The following PRR14L variants were observed in gnomAD, a reference collection of about 807,000 sequenced individuals.
The protein encoded by PRR14L is protein PRR14L.
Under a neutral mutation model 155.0 loss-of-function variants are expected in PRR14L, and 80 were observed. The ratio of observed to expected loss-of-function variants is 0.52; its 90% confidence interval spans 0.43 to 0.62. The LOEUF (loss-of-function observed/expected upper bound fraction) is 0.62. Ranked by LOEUF, PRR14L falls within the 20% of genes least tolerant of loss-of-function variation. PRR14L has a pLI of 0.00. For missense variants in PRR14L, 2,469 were observed against 2,548.0 expected, an observed-to-expected ratio of 0.97 and a Z score of 0.67; for synonymous variants, 883 against 916.0, an observed-to-expected ratio of 0.96 and a Z score of 0.65.
chr22:31,718,250 G>GGTTTTT (rs201436774), intron 3 of PRR14L, among the ~76,000 whole-genome samples: 2 of 128,862 alleles, frequency 1.6e-5, no homozygotes, highest in Non-Finnish European at 3.3e-5. Flanking sequence ...TTTTTGGGGG[G>GGTTTTT]GTTTTTGTTT....
intron 3 of PRR14L, among the ~76,000 whole-genome samples, chr22:31,718,405 A>G (rs528158944): frequency 6.6e-6 from 1 of 151,974 alleles, no homozygotes; most frequent in East Asian, 2.0e-4. Flanking sequence ...ACAGACGCCC[A>G]CCACCACACC....
chr22:31,736,191 C>T (rs1404166254), intron 2 of PRR14L, among the ~76,000 whole-genome samples: 6 of 149,418 alleles, frequency 4.0e-5, no homozygotes, highest in Non-Finnish European at 8.9e-5. Flanking sequence ...TGCACTCCAG[C>T]CTGGGCAATA....
Position 31,684,025 on chromosome 22 carries a change from C to T in PRR14L, c.*1502G>A, listed in dbSNP as rs1437813194. 6.6e-6 allele frequency: 1 copy of T among 152,098 alleles called. No homozygotes were observed. The highest frequency in any genetic ancestry group is 1.5e-5 in the Non-Finnish European group (1 of 68,056). 9.4% of individuals were successfully genotyped at this position (152,098 alleles called of 1,614,324 possible). On this transcript the variant is annotated 3_prime_UTR_variant, in exon 9 of 9. Coordinates refer to ENST00000327423, the MANE Select transcript of PRR14L (RefSeq NM_173566.3). ...GTGTCCTGACGATGACTTTTGCATC[C>T]CACTCACTAGCCATGGAATGTTAAT...
At chr22:31,702,839 G>T (rs901268038) in intron 6 of PRR14L, among the ~76,000 whole-genome samples, 1 of 135,486 alleles carries the variant, frequency 7.4e-6, no homozygotes, top group African/African-American at 2.8e-5. Context: ...TTAAGATGGG[G>T]TTTCACTCTG....
chr22:31,735,160 C>T (rs910355284), intron 2 of PRR14L, among the ~76,000 whole-genome samples: 9 of 152,280 alleles, frequency 5.9e-5, no homozygotes, highest in African/African-American at 2.2e-4. Context: ...AACAGGGTGG[C>T]GGGGCGCGGT....
At chr22:31,723,284 T>G (rs1286021755) in intron 3 of PRR14L, among the ~76,000 whole-genome samples, 1 of 152,156 alleles carries the variant, frequency 6.6e-6, no homozygotes, top group Non-Finnish European at 1.5e-5. Context: ...TGAAGAAAAG[T>G]GTCACAGAGT....
intron 3 of PRR14L, among the ~76,000 whole-genome samples, chr22:31,717,994 A>T (rs2074669465): frequency 7.1e-6 from 1 of 141,722 alleles, no homozygotes; most frequent in Non-Finnish European, 1.5e-5. Context: ...GTGGCACGAT[A>T]TTGGCTCACT....
At chr22:31,711,653 G>A (rs1012846222) in intron 4 of PRR14L, among the ~76,000 whole-genome samples, 116 of 149,558 alleles carry the variant, frequency 7.8e-4, no homozygotes, top group African/African-American at 2.2e-3. Context: ...GTGTGGTGGC[G>A]CATGCCTGTA....
chr22:31,716,088 A>C lies in PRR14L; in HGVS notation c.1751T>G (p.Val584Gly). Residue 584 changes from valine (V) to glycine (G), a missense_variant, in exon 4 of 9, where the codon GTA becomes GGA. By Grantham distance (109) the Val-to-Gly change is moderately radical. Around this residue, in one of 2 missense-constraint regions of PRR14L, gnomAD observed 2,363 missense variants for 2,371.6 expected, o/e 1.00. Transcript: ENST00000327423. ...TTGCTTGGGTTTTAATACCTCACTT[A>C]CAGGACTTATTTGATCCTCTGGCAT... ...SLMPEDQISP[V>G]SEVLKPKQGT... 6.4e-7 allele frequency: 1 copy of C among 1,551,110 alleles called. No individual in the cohort carries two copies. The highest frequency in any genetic ancestry group is 8.7e-7 in the Non-Finnish European group (1 of 1,146,938).
chr22:31,723,189 G>A (rs1361595439), intron 3 of PRR14L, among the ~76,000 whole-genome samples: 2 of 152,094 alleles, frequency 1.3e-5, no homozygotes, highest in African/African-American at 2.4e-5. Context: ...ATACCAAACT[G>A]AGACCCTTAT....
intron 7 of PRR14L, among the ~76,000 whole-genome samples, chr22:31,693,378 T>C (rs1022449112): frequency 2.6e-5 from 4 of 152,208 alleles, no homozygotes; most frequent in African/African-American, 9.6e-5. Context: ...GTAGTAAGCA[T>C]TTAAGATTCC....
At chr22:31,687,446 C>T (rs930844670) in intron 8 of PRR14L, among the ~76,000 whole-genome samples, 3 of 151,286 alleles carry the variant, frequency 2.0e-5, no homozygotes, top group Non-Finnish European at 2.9e-5. Context: ...CTCCTCCTCC[C>T]GGGTTCAAGC....
chr22:31,745,038 TG>T (rs979982200), intron 1 of PRR14L, among the ~76,000 whole-genome samples: 1 of 152,172 alleles, frequency 6.6e-6, no homozygotes, highest in African/African-American at 2.4e-5. Flanking sequence ...CAAGAACAGC[TG>T]GAACCCTAAG....
chr22:31,737,742 G>A (rs552735523), intron 2 of PRR14L, among the ~76,000 whole-genome samples: 2 of 152,140 alleles, frequency 1.3e-5, no homozygotes, highest in African/African-American at 4.8e-5. Flanking sequence ...GCTGGTCATG[G>A]TGGCTCATGC....
Position 31,712,831 on chromosome 22 carries a change from G to A in PRR14L, c.5008C>T (p.Leu1670=). 6.4e-7 allele frequency: 1 copy of A among 1,552,104 alleles called. No homozygotes were observed. The highest frequency in any genetic ancestry group is 8.7e-7 in the Non-Finnish European group (1 of 1,147,090). The change falls in exon 4 of 9, where the codon CTG becomes TTG. Residue 1670 remains leucine, a synonymous_variant. Coordinates refer to ENST00000327423, the MANE Select transcript of PRR14L (RefSeq NM_173566.3). Reference sequence around the variant, plus strand: ...CCACTAGCTGCCAAATATGGATTCAGCTGCTCTGTGCTGGATGAAAATCCG... The same window carrying A: ...CCACTAGCTGCCAAATATGGATTCAACTGCTCTGTGCTGGATGAAAATCCG... The part of the protein sequence containing the change: ...LDGFSSSTEQ[L]NPYLAASGWD...
At position 31,715,377 on chromosome 22, in the gene PRR14L, A is replaced by G. The variant is rs1037450745; in HGVS notation, c.2462T>C (p.Ile821Thr). ...KISLQVDNSLITKYENAFQHR... is the reference protein window; with the variant it reads ...KISLQVDNSLTTKYENAFQHR... ...CTGAAATGCATTTTCATATTTTGTTATCAAAGAGTTATCAACTTGCAGGCT... is the reference window on the plus strand; with the variant it reads ...CTGAAATGCATTTTCATATTTTGTTGTCAAAGAGTTATCAACTTGCAGGCT... Residue 821 changes from isoleucine to threonine, a missense_variant, in exon 4 of 9, where the codon ATA becomes ACA. Transcript: ENST00000327423. 5 of 1,552,044 alleles carry G rather than the reference A, an allele frequency of 3.2e-6. No individual in the cohort carries two copies. Among genetic ancestry groups the G allele is most frequent in the East Asian group, 4.9e-5 (2 of 40,940 alleles).
chr22:31,723,793 G>A (rs755007479), intron 3 of PRR14L, among the ~76,000 whole-genome samples: 3 of 152,144 alleles, frequency 2.0e-5, no homozygotes, highest in African/African-American at 4.8e-5. Context: ...CCAGGCTGCC[G>A]AGAAGCTAAG....
chr22:31,726,564 G>A (rs1270750439), intron 2 of PRR14L, among the ~76,000 whole-genome samples: 2 of 152,150 alleles, frequency 1.3e-5, no homozygotes, highest in East Asian at 3.9e-4. Context: ...ACCGCGCCTG[G>A]CCAAGAAAAT....
chr22:31,745,853 A>ATATATATATAT lies in PRR14L; in HGVS notation c.-52+4139_-52+4140insATATATATATA, dbSNP rs574613169. Among the ~76,000 whole-genome samples the ATATATATATAT allele has an allele frequency of 1.7e-4, 25 of 146,002 alleles. No individual in the cohort carries two copies. In the South Asian group the frequency reaches 5.4e-3, roughly 32 times the overall value. Reference sequence around the variant, plus strand: ...GAGGGAGACTCAGTTTAAAAAAAAAAAAAAAAAAATATATATATATATATA... The same window carrying ATATATATATAT: ...GAGGGAGACTCAGTTTAAAAAAAAAATATATATATATAAAAAAAAATATATATATATATATA... On this transcript the variant is annotated intron_variant, in intron 1 of 8. Coordinates refer to ENST00000327423, the MANE Select transcript of PRR14L (RefSeq NM_173566.3).
Sources: gnomAD v4.1 joint callset for allele counts (sites outside exome capture counted in the v4.1 genomes callset) on GRCh38, gnomAD v4.1.1 for gene constraint, gnomAD v4.1.1 regional missense constraint, MANE v1.5 for transcripts, NCBI Gene and HGNC (gene_info 2026-07-23, HGNC 2026-07-21) for gene names.